FGD4: variants seen among roughly 807,000 people sequenced by gnomAD.
FGD4 encodes the protein FYVE, RhoGEF and PH domain containing 4.
A neutral mutation model predicts 102.0 loss-of-function variants in FGD4; 42 were observed. That is an observed-to-expected ratio of 0.41 (90% CI 0.32 to 0.53). The LOEUF (loss-of-function observed/expected upper bound fraction) is 0.53. FGD4 is among the 20% of genes least tolerant of loss of function. FGD4 has a pLI of 0.21. For missense variants in FGD4, 902 were observed against 1,078.2 expected (o/e 0.84, Z 2.29); for synonymous variants, 380 against 375.7 (o/e 1.01, Z -0.13).
intron 1 of FGD4, among the ~76,000 whole-genome samples, chr12:32,471,268 G>A (rs1208848892): frequency 6.6e-6 from 1 of 152,090 alleles, no homozygotes; most frequent in East Asian, 1.9e-4. Context: ...GCTTGCAGAT[G>A]GCCAGTTATG....
At chr12:32,489,682 A>G (rs186549274) in intron 1 of FGD4, among the ~76,000 whole-genome samples, 2 of 152,322 alleles carry the variant, frequency 1.3e-5, no homozygotes, top group South Asian at 2.1e-4. Context: ...TTGAGCACCT[A>G]TTAGACACGG....
chr12:32,480,155 G>GT (rs369473990), intron 1 of FGD4, among the ~76,000 whole-genome samples: 49,460 of 148,274 alleles, frequency 0.33, 8,841 homozygotes, highest in East Asian at 0.48. Flanking sequence ...TGTTTGTGGG[G>GT]GTTTTTTTTG....
chr12:32,576,628 T>C (rs1364902667), intron 3 of FGD4, among the ~76,000 whole-genome samples, 179 bp downstream of exon 3: 2 of 152,230 alleles, frequency 1.3e-5, no homozygotes, highest in East Asian at 1.9e-4. Context: ...TAATATGAAC[T>C]GTCATTTACT....
intron 4 of FGD4, among the ~76,000 whole-genome samples, chr12:32,585,224 A>T (rs1305741431): frequency 3.2e-4 from 5 of 15,544 alleles, no homozygotes; most frequent in African/African-American, 1.8e-3. Context: ...CAAAAATTTT[A>T]TATATATATA....
intron 1 of FGD4, among the ~76,000 whole-genome samples, chr12:32,479,607 T>C (rs1276967556): frequency 6.7e-6 from 1 of 149,516 alleles, no homozygotes; most frequent in Non-Finnish European, 1.5e-5. Flanking sequence ...TTCACAGACC[T>C]CTCACTGCTA....
chr12:32,622,131 C>T (rs1175828135), intron 11 of FGD4, among the ~76,000 whole-genome samples: 15 of 152,178 alleles, frequency 9.9e-5, no homozygotes, highest in Non-Finnish European at 4.4e-5. Flanking sequence ...GTGATCCACC[C>T]GCCTTGGCCT....
In FGD4 at chr12:32,487,161, C is replaced by A. The variant is rs573813274; in HGVS notation, c.167-76976C>A. Among the ~76,000 whole-genome samples, 25 of 152,250 alleles carry A rather than the reference C, an allele frequency of 1.6e-4. 1 individual carries two copies. The South Asian group carries it at 5.2e-3, about 32-fold the overall frequency. ...TTCTAAATTCTGTTTTATAAATAATCGTGAGAAGAACATGAATTTGTAAGA... is the reference window on the plus strand; with the variant it reads ...TTCTAAATTCTGTTTTATAAATAATAGTGAGAAGAACATGAATTTGTAAGA... On this transcript the variant is annotated intron_variant, in intron 1 of 16. Coordinates refer to ENST00000534526, the MANE Select transcript of FGD4 (RefSeq NM_001370298.3).
chr12:32,405,345 C>T (rs1324988700), intron 1 of FGD4, among the ~76,000 whole-genome samples: 5 of 149,626 alleles, frequency 3.3e-5, no homozygotes, highest in South Asian at 4.3e-4. Context: ...CCACAACCTC[C>T]GCCTCCCGGG....
At chr12:32,482,456 G>A (rs147700878) in intron 1 of FGD4, among the ~76,000 whole-genome samples, 5,244 of 152,278 alleles carry the variant, frequency 0.034, 157 homozygotes, top group South Asian at 0.13. Context: ...TTTCTGGCTC[G>A]AAGTGACCTT....
chr12:32,625,616 T>A, intron 13 of FGD4, 38 bp from the exon 14 acceptor site: 4 of 1,602,712 alleles, frequency 2.5e-6, no homozygotes, highest in Non-Finnish European at 3.4e-6. Flanking sequence ...GAATTATAGT[T>A]TTTTTCTATT....
intron 3 of FGD4, among the ~76,000 whole-genome samples, chr12:32,581,611 T>G (rs1050137611): frequency 2.0e-5 from 3 of 152,212 alleles, no homozygotes; most frequent in African/African-American, 7.2e-5. Flanking sequence ...TATATCTAAC[T>G]AAGTCTTTAC....
At chr12:32,436,998 A>G (rs937330673) in intron 1 of FGD4, among the ~76,000 whole-genome samples, 3 of 151,152 alleles carry the variant, frequency 2.0e-5, no homozygotes, top group African/African-American at 2.4e-5. Context: ...AGTCCCAGCT[A>G]TGTGGGAGGC....
chr12:32,605,797 C>T (rs892602185), intron 7 of FGD4, among the ~76,000 whole-genome samples: 1 of 152,150 alleles, frequency 6.6e-6, no homozygotes, highest in African/African-American at 2.4e-5. Flanking sequence ...TGTCTTCATT[C>T]TCTGTATGTG....
At chr12:32,538,473 A>T (rs1188763437) in intron 1 of FGD4, among the ~76,000 whole-genome samples, 1 of 152,192 alleles carries the variant, frequency 6.6e-6, no homozygotes, top group African/African-American at 2.4e-5. Flanking sequence ...CTTGCTTGCT[A>T]ACCTCTGGTG....
chr12:32,562,461 G>A (rs1944694793), intron 1 of FGD4, among the ~76,000 whole-genome samples: 1 of 152,134 alleles, frequency 6.6e-6, no homozygotes, highest in East Asian at 1.9e-4. Context: ...TTCTCGCAGA[G>A]GGGGATTTGG....
At chr12:32,479,182 A>G (rs950524400) in intron 1 of FGD4, among the ~76,000 whole-genome samples, 7 of 152,186 alleles carry the variant, frequency 4.6e-5, no homozygotes, top group Non-Finnish European at 7.4e-5. Flanking sequence ...TGAAAGCTGA[A>G]TGTAGTTTTC....
At chr12:32,526,228 C>G (rs534328846) in intron 1 of FGD4, among the ~76,000 whole-genome samples, 1 of 151,816 alleles carries the variant, frequency 6.6e-6, no homozygotes, top group Non-Finnish European at 1.5e-5. Context: ...GGTTTGTGAG[C>G]GCACCAGTCG....
intron 10 of FGD4, among the ~76,000 whole-genome samples, chr12:32,614,879 C>A (rs1949355936): frequency 1.3e-5 from 2 of 152,156 alleles, no homozygotes; most frequent in African/African-American, 2.4e-5. Flanking sequence ...TCTTTTAATT[C>A]CATTTTTCCA....
At position 32,520,967 on chromosome 12, in the gene FGD4, C is replaced by T. The variant is rs561911987; in HGVS notation, c.167-43170C>T. Among the ~76,000 whole-genome samples the T allele has an allele frequency of 5.9e-5, 9 of 152,268 alleles. No individual in the cohort carries two copies. In the East Asian group the frequency reaches 1.7e-3, roughly 29 times the overall value. On this transcript the variant is annotated intron_variant, in intron 1 of 16. Transcript: ENST00000534526. ...GCCAAACTTGTCAATTACTATTTTACTTGTTTGCTCTCCCTTTGGTTCCTC... is the reference window on the plus strand; with the variant it reads ...GCCAAACTTGTCAATTACTATTTTATTTGTTTGCTCTCCCTTTGGTTCCTC...
Sources: gnomAD v4.1 joint callset for allele counts (sites outside exome capture counted in the v4.1 genomes callset) on GRCh38, gnomAD v4.1.1 for gene constraint, MANE v1.5 for transcripts, NCBI Gene and HGNC (gene_info 2026-07-23, HGNC 2026-07-21) for gene names.